The following HS6ST3 variants were observed in gnomAD, a reference collection of about 807,000 sequenced individuals.
HS6ST3 encodes heparan-sulfate 6-O-sulfotransferase 3.
Under a neutral mutation model 36.7 loss-of-function variants are expected in HS6ST3, and 12 were observed. The observed-to-expected ratio is 0.33, with a 90% CI of 0.21 to 0.53. The LOEUF is 0.53. Among genes scored for constraint, HS6ST3 ranks in the 20% least tolerant of loss-of-function variants. The pLI is 0.95. For synonymous variants in HS6ST3, 240 were observed against 257.5 expected, an observed-to-expected ratio of 0.93 and a Z score of 0.65; for missense variants, 584 against 640.9, an observed-to-expected ratio of 0.91 and a Z score of 0.96.
intron 1 of HS6ST3, among the ~76,000 whole-genome samples, chr13:96,630,110 AT>A (rs1162238243): frequency 1.3e-5 from 2 of 152,114 alleles, no homozygotes; most frequent in African/African-American, 2.4e-5. Context: ...TTAAAAAAAT[AT>A]TTTTTTCATA....
intron 1 of HS6ST3, among the ~76,000 whole-genome samples, chr13:96,737,499 C>T (rs1876314098): frequency 6.6e-6 from 1 of 150,836 alleles, no homozygotes; most frequent in African/African-American, 2.4e-5. Flanking sequence ...GTGGCGGGTG[C>T]CTGTAGTCCC....
At chr13:96,292,145 G>A (rs1468532808) in intron 1 of HS6ST3, among the ~76,000 whole-genome samples, 1 of 152,052 alleles carries the variant, frequency 6.6e-6, no homozygotes, top group Non-Finnish European at 1.5e-5. Context: ...GGTGTTCTAT[G>A]TGAGTGAATT....
chr13:96,482,456 C>CTT (rs778614894), intron 1 of HS6ST3, among the ~76,000 whole-genome samples: 28 of 140,554 alleles, frequency 2.0e-4, no homozygotes, highest in Non-Finnish European at 2.2e-4. Context: ...TTTTATTTTT[C>CTT]TTTTTTTTTT....
intron 1 of HS6ST3, among the ~76,000 whole-genome samples, chr13:96,685,045 A>G (rs1474635775): frequency 6.6e-6 from 1 of 152,108 alleles, no homozygotes; most frequent in Non-Finnish European, 1.5e-5. Flanking sequence ...CAATACATAA[A>G]TTGAGTATTC....
chr13:96,827,771 G>T (rs1481796604), intron 1 of HS6ST3, among the ~76,000 whole-genome samples: 1 of 152,094 alleles, frequency 6.6e-6, no homozygotes, highest in Admixed American at 6.5e-5. Flanking sequence ...GTTAAATTTG[G>T]AACCAAAACC....
At chr13:96,548,425 A>T (rs532835752) in intron 1 of HS6ST3, among the ~76,000 whole-genome samples, 4 of 152,124 alleles carry the variant, frequency 2.6e-5, no homozygotes, top group Non-Finnish European at 5.9e-5. Context: ...TGGCTTATGC[A>T]TTGTCACCCC....
At chr13:96,596,121 C>T (rs1029811935) in intron 1 of HS6ST3, among the ~76,000 whole-genome samples, 2 of 152,098 alleles carry the variant, frequency 1.3e-5, no homozygotes, top group South Asian at 2.1e-4. Flanking sequence ...TGTGAATCTC[C>T]AGTGTTTATT....
intron 1 of HS6ST3, among the ~76,000 whole-genome samples, chr13:96,306,354 G>A (rs992309828): frequency 4.0e-5 from 6 of 151,832 alleles, no homozygotes; most frequent in African/African-American, 1.2e-4. Context: ...TGCCCACCTC[G>A]GCCTCCCAAA....
At chr13:96,273,735 T>C (rs531412947) in intron 1 of HS6ST3, among the ~76,000 whole-genome samples, 1 of 152,210 alleles carries the variant, frequency 6.6e-6, no homozygotes, top group South Asian at 2.1e-4. Context: ...CTGAAATTAG[T>C]TGAGGCAAAA....
At chr13:96,419,463 G>C (rs937681767) in intron 1 of HS6ST3, among the ~76,000 whole-genome samples, 1 of 152,230 alleles carries the variant, frequency 6.6e-6, no homozygotes, top group African/African-American at 2.4e-5. Flanking sequence ...TGTTTGGCAT[G>C]ATGTTTTGAT....
intron 1 of HS6ST3, among the ~76,000 whole-genome samples, chr13:96,519,748 G>A (rs1184882856): frequency 1.3e-5 from 2 of 152,142 alleles, no homozygotes; most frequent in African/African-American, 4.8e-5. Flanking sequence ...TAACTTTTCT[G>A]TGACTCAGTG....
intron 1 of HS6ST3, among the ~76,000 whole-genome samples, chr13:96,428,693 T>C (rs949851049): frequency 2.0e-5 from 3 of 152,154 alleles, no homozygotes; most frequent in African/African-American, 7.2e-5. Context: ...AATTTGGGGG[T>C]GGCAATTCAG....
rs556512446 is a variant in HS6ST3, at chr13:96,759,991, G to GT, written c.708-72490dup. 1.7e-3 allele frequency among the ~76,000 whole-genome samples: 259 copies of GT among 150,212 alleles called. 1 individual carries two copies. The highest frequency in any genetic ancestry group is 0.01 in the Middle Eastern group (3 of 290). ...GCCCACCTTTCAGTACTTAGGACAT[G>GT]TTTTTTTTTGCTGTTGTTGTTTATC... On this transcript the variant is annotated intron_variant, in intron 1 of 1. Transcript: ENST00000376705.
At chr13:96,388,343 A>G (rs1244229358) in intron 1 of HS6ST3, among the ~76,000 whole-genome samples, 1 of 152,194 alleles carries the variant, frequency 6.6e-6, no homozygotes, top group African/African-American at 2.4e-5. Flanking sequence ...ATAGTTTCTG[A>G]AGGATTGTTA....
intron 1 of HS6ST3, among the ~76,000 whole-genome samples, chr13:96,426,170 C>G (rs373379137): frequency 6.6e-6 from 1 of 152,054 alleles, no homozygotes; most frequent in African/African-American, 2.4e-5. Flanking sequence ...ACCCCTGCTT[C>G]AGGCAGGGGT....
chr13:96,386,361 G>A lies in HS6ST3; in HGVS notation c.707+294792G>A, dbSNP rs117528185. 8.1e-4 allele frequency among the ~76,000 whole-genome samples: 124 copies of A among 152,230 alleles called. 2 individuals are homozygous for A. The East Asian group carries it at 0.021, about 25-fold the overall frequency. On this transcript the variant is annotated intron_variant, in intron 1 of 1. Coordinates refer to ENST00000376705, the MANE Select transcript of HS6ST3 (RefSeq NM_153456.4). The stretch of plus-strand genomic sequence containing the variant: ...GCCGATATACTTGCACTTCTAAAGT[G>A]ATGTGCAGAATGATGCCTTTGCCCT...
chr13:96,789,538 G>T (rs991609257), intron 1 of HS6ST3, among the ~76,000 whole-genome samples: 3 of 151,572 alleles, frequency 2.0e-5, no homozygotes, highest in Non-Finnish European at 3.0e-5. Context: ...GAAGTTCCAG[G>T]TTTCCCACTC....
intron 1 of HS6ST3, among the ~76,000 whole-genome samples, chr13:96,231,538 T>C (rs952469883): frequency 6.6e-6 from 1 of 151,958 alleles, no homozygotes; most frequent in Non-Finnish European, 1.5e-5. Flanking sequence ...GCTACACCCA[T>C]TTAAACAACC....
At chr13:96,144,177 TTAA>T (rs1289118109) in intron 1 of HS6ST3, among the ~76,000 whole-genome samples, 2 of 152,316 alleles carry the variant, frequency 1.3e-5, no homozygotes, top group Non-Finnish European at 2.9e-5. Flanking sequence ...GTTATGAGAA[TTAA>T]TAATCATTTA....
Sources: gnomAD v4.1 joint callset for allele counts (sites outside exome capture counted in the v4.1 genomes callset) on GRCh38, gnomAD v4.1.1 for gene constraint, MANE v1.5 for transcripts, NCBI Gene and HGNC (gene_info 2026-07-23, HGNC 2026-07-21) for gene names.